SLC36A1: variants seen among roughly 807,000 people sequenced by gnomAD.
The protein encoded by SLC36A1 is solute carrier family 36 member 1, also known as proton-coupled amino acid transporter 1.
In SLC36A1, 30 loss-of-function variants were observed where a neutral mutation model predicts 47.5. That is an observed-to-expected ratio of 0.63 (90% CI 0.47 to 0.86). The LOEUF (loss-of-function observed/expected upper bound fraction) is 0.86, where lower values mean the gene tolerates loss of function less well. Among genes scored for constraint, SLC36A1 ranks in the 40% least tolerant of loss-of-function variants. The pLI, the probability that SLC36A1 is intolerant of heterozygous loss-of-function variation, is 0.00. For missense variants in SLC36A1, 517 were observed against 606.0 expected (o/e 0.85, Z 1.54); for synonymous variants, 255 against 249.7 (o/e 1.02, Z -0.20).
intron 8 of SLC36A1, among the ~76,000 whole-genome samples, chr5:151,474,178 A>AAAAAAAAAAAAAAAAAAAGAGAG (rs776318482): frequency 8.4e-6 from 1 of 119,008 alleles, no homozygotes; most frequent in African/African-American, 4.5e-5. Context: ...AAAAAAAAAA[A>AAAAAAAAAAAAAAAAAAAGAGAG]AGAAATTATC....
chr5:151,393,444 T>C, the SLC36A1 span, among the ~76,000 whole-genome samples: 1 of 152,230 alleles, frequency 6.6e-6, no homozygotes, highest in Non-Finnish European at 1.5e-5. Context: ...ATCCTGTCAT[T>C]ATGATGTTAG....
the SLC36A1 span, among the ~76,000 whole-genome samples, chr5:151,353,497 C>G: frequency 6.6e-6 from 1 of 152,320 alleles, no homozygotes; most frequent in East Asian, 1.9e-4. Context: ...CACGCATTCA[C>G]AGCATCCCCT....
chr5:151,406,029 T>C, the SLC36A1 span, among the ~76,000 whole-genome samples: 2,269 of 152,260 alleles, frequency 0.015, 72 homozygotes, highest in African/African-American at 0.052. Flanking sequence ...CAGCAACACT[T>C]TAGGAAAGCG....
chr5:151,544,096 T>A, the SLC36A1 span: 1 of 1,614,096 alleles, frequency 6.2e-7, no homozygotes, highest in South Asian at 1.1e-5. Context: ...CACATGAAAG[T>A]GTTGTTGGGC....
At chr5:151,542,029 T>A in the SLC36A1 span, among the ~76,000 whole-genome samples, 1 of 152,228 alleles carries the variant, frequency 6.6e-6, no homozygotes, top group African/African-American at 2.4e-5. Flanking sequence ...TAATGAGACA[T>A]ACTTTTTGCA....
At chr5:151,505,852 G>A in the SLC36A1 span, 100 of 1,610,838 alleles carry the variant, frequency 6.2e-5, no homozygotes, top group Middle Eastern at 1.7e-4. Flanking sequence ...CTAGGGGGCC[G>A]AGAGGGCATC....
chr5:151,382,147 ACT>A, the SLC36A1 span: 1 of 934,528 alleles, frequency 1.1e-6, no homozygotes, highest in Non-Finnish European at 1.8e-6. Flanking sequence ...CACAGTGCAG[ACT>A]CTGAATTGAA....
At chr5:151,447,330 A>G (rs1057480532), upstream of SLC36A1, among the ~76,000 whole-genome samples, 3 of 152,260 alleles carry the variant, frequency 2.0e-5, no homozygotes, top group Non-Finnish European at 2.9e-5. Context: ...AAGAAAATAC[A>G]GCCAGTGTAA....
chr5:151,478,961 A>C lies in SLC36A1; in HGVS notation c.990-359A>C, dbSNP rs943907379. On this transcript the variant is annotated intron_variant, in intron 9 of 10. Transcript: ENST00000243389. Reference sequence around the variant, plus strand: ...ATATCATGTGATAGAGTGATATATCATGGGGATAGTTTCATATCACACCAT... The same window carrying C: ...ATATCATGTGATAGAGTGATATATCCTGGGGATAGTTTCATATCACACCAT... 7.9e-5 allele frequency among the ~76,000 whole-genome samples: 12 copies of C among 152,220 alleles called. 1 individual carries two copies. The highest frequency in any genetic ancestry group is 7.2e-4 in the Admixed American group (11 of 15,284).
chr5:151,424,461 A>G, the SLC36A1 span, among the ~76,000 whole-genome samples: 21 of 152,260 alleles, frequency 1.4e-4, no homozygotes, highest in African/African-American at 5.1e-4. Flanking sequence ...AAAAGGGAAG[A>G]AAAGGGTTAT....
At chr5:151,395,607 A>G in the SLC36A1 span, among the ~76,000 whole-genome samples, 2 of 152,100 alleles carry the variant, frequency 1.3e-5, no homozygotes, top group East Asian at 1.9e-4. Flanking sequence ...AGACTCTCAC[A>G]TGGAATGTGA....
chr5:151,399,065 A>AATATATATATTATAT, the SLC36A1 span, among the ~76,000 whole-genome samples: 1 of 66,594 alleles, frequency 1.5e-5, no homozygotes, highest in Non-Finnish European at 2.7e-5. Flanking sequence ...TGTGTGTGTA[A>AATATATATATTATAT]ATATATATAT....
In SLC36A1 at chr5:151,479,309, T is replaced by C. The variant is rs1758499088; in HGVS notation, c.990-11T>C. The C allele has an allele frequency of 6.2e-7, 1 of 1,613,276 alleles. No individual in the cohort carries two copies. Among genetic ancestry groups the C allele is most frequent in the Non-Finnish European group, 8.5e-7 (1 of 1,179,286 alleles). On this transcript the variant is annotated splice_polypyrimidine_tract_variant and intron_variant, in intron 9 of 10. Coordinates refer to ENST00000243389, the MANE Select transcript of SLC36A1 (RefSeq NM_078483.4). The stretch of plus-strand genomic sequence containing the variant: ...GAGCAGGCTTGGAATGTCTCCTGTC[T>C]GTTTCGGCAGGTTGTACCAGTCAGT...
In SLC36A1 at chr5:151,473,774, A is replaced by G. The variant is rs1757648871; in HGVS notation, c.822+3A>G. The stretch of plus-strand genomic sequence containing the variant: ...TTTCATTTGAAGGCATTGGAATGGT[A>G]AGAGCTGCACTGTGATTTGGGCTAG... On this transcript the variant is annotated splice_donor_region_variant and intron_variant, in intron 8 of 10. Transcript: ENST00000243389. 1.9e-6 allele frequency: 3 copies of G among 1,609,618 alleles called. No individual in the cohort carries two copies. Among genetic ancestry groups the G allele is most frequent in the South Asian group, 2.2e-5 (2 of 90,994 alleles).
At chr5:151,550,446 C>T in the SLC36A1 span, 6 of 944,658 alleles carry the variant, frequency 6.4e-6, no homozygotes, top group Non-Finnish European at 9.4e-6. Flanking sequence ...GGAAGGTGCC[C>T]TTAGCCAGCT....
intron 9 of SLC36A1, chr5:151,477,658 A>G (rs749516234): frequency 2.0e-5 from 3 of 152,206 alleles, no homozygotes; most frequent in Non-Finnish European, 2.9e-5. Context: ...ATATGGATGC[A>G]GTATGTGTGA....
chr5:151,357,672 A>T, the SLC36A1 span, among the ~76,000 whole-genome samples: 5 of 152,250 alleles, frequency 3.3e-5, no homozygotes. Context: ...GGCAGAGTTG[A>T]GTAGTTGTGA....
the SLC36A1 span, chr5:151,534,545 T>C: frequency 1.2e-5 from 19 of 1,614,032 alleles, no homozygotes; most frequent in South Asian, 1.4e-4. Flanking sequence ...GGGTGATGTC[T>C]GCCTGGCACG....
At chr5:151,353,031 G>A in the SLC36A1 span, among the ~76,000 whole-genome samples, 1 of 152,190 alleles carries the variant, frequency 6.6e-6, no homozygotes, top group African/African-American at 2.4e-5. Context: ...GTCCTGCCTT[G>A]GGCAGGTGAA....
Sources: gnomAD v4.1 joint callset for allele counts (sites outside exome capture counted in the v4.1 genomes callset) on GRCh38, gnomAD v4.1.1 for gene constraint, MANE v1.5 for transcripts, NCBI Gene and HGNC (gene_info 2026-07-23, HGNC 2026-07-21) for gene names.